The following EFR3A variants were observed in gnomAD, a reference collection of about 807,000 sequenced individuals.
EFR3A encodes the protein protein EFR3 homolog A.
EFR3A carries 76 observed loss-of-function variants against 104.4 expected under a neutral mutation model. That is an observed-to-expected ratio of 0.73 (90% CI 0.60 to 0.88). The LOEUF (loss-of-function observed/expected upper bound fraction) is 0.88. Among genes scored for constraint, EFR3A ranks in the 40% least tolerant of loss-of-function variants. The pLI is 0.00. For missense variants in EFR3A, 985 were observed against 1,012.5 expected, an observed-to-expected ratio of 0.97 and a Z score of 0.37; for synonymous variants, 330 against 330.0, an observed-to-expected ratio of 1.00 and a Z score of 0.00.
chr8:131,940,509 C>T lies in EFR3A; in HGVS notation c.21C>T (p.Cys7=). Residue 7 remains cysteine (C), a synonymous_variant, in exon 2 of 23, where the codon TGC becomes TGT. Coordinates refer to ENST00000254624, the MANE Select transcript of EFR3A (RefSeq NM_015137.6). ...TTTTTTTTTTAACAGGAGTATGCTG[C>T]TGCTGTTCCGCTTTGCGTCCTCGCT... MPTRVC[C]CCSALRPRYK... The T allele has an allele frequency of 6.2e-7, 1 of 1,600,718 alleles. No individual in the cohort carries two copies. Among genetic ancestry groups the T allele is most frequent in the South Asian group, 1.1e-5 (1 of 89,088 alleles).
At chr8:131,980,005 G>A (rs1030661978) in intron 14 of EFR3A, among the ~76,000 whole-genome samples, 1 of 152,084 alleles carries the variant, frequency 6.6e-6, no homozygotes, top group African/African-American at 2.4e-5. Flanking sequence ...TTTCTGTGCG[G>A]TTATTATTCG....
intron 11 of EFR3A, among the ~76,000 whole-genome samples, 156 bp downstream of exon 11, chr8:131,976,297 GC>G (rs1482798124): frequency 2.0e-5 from 3 of 152,068 alleles, no homozygotes; most frequent in African/African-American, 7.2e-5. Context: ...AGATTGCTAA[GC>G]AATTGAATTA....
intron 1 of EFR3A, among the ~76,000 whole-genome samples, chr8:131,924,721 G>T (rs958306996): frequency 5.9e-5 from 9 of 152,032 alleles, no homozygotes; most frequent in African/African-American, 2.2e-4. Context: ...GTCCTAATCA[G>T]TCCAACTCAG....
In EFR3A at chr8:131,953,812, T is replaced by TTA; in HGVS notation, c.489-3_489-2dup. 2 of 1,490,940 alleles carry TTA rather than the reference T, an allele frequency of 1.3e-6. No homozygotes were observed. The highest frequency in any genetic ancestry group is 1.8e-6 in the Non-Finnish European group (2 of 1,121,252). 92.4% of individuals were successfully genotyped at this position (1,490,940 alleles called of 1,614,324 possible). On this transcript the variant is annotated splice_polypyrimidine_tract_variant and splice_region_variant and intron_variant, in intron 5 of 22. Coordinates refer to ENST00000254624, the MANE Select transcript of EFR3A (RefSeq NM_015137.6). ...TCATTTTCTTCCTTTTTTTTTTTTT[T>TTA]TATAGGATACGAATTGCTGGAATTA...
intron 18 of EFR3A, 150 bp from the exon 19 acceptor site, chr8:131,996,256 C>T: frequency 2.1e-6 from 1 of 484,694 alleles, no homozygotes; most frequent in Admixed American, 4.1e-5. Context: ...AGTCCGAGAA[C>T]ACGCTGCTTT....
At chr8:131,913,002 A>G (rs1816582874) in intron 1 of EFR3A, among the ~76,000 whole-genome samples, 1 of 134,232 alleles carries the variant, frequency 7.4e-6, no homozygotes, top group Admixed American at 7.5e-5. Flanking sequence ...TTTTTTTTTG[A>G]AAGGAGGAGG....
intron 1 of EFR3A, among the ~76,000 whole-genome samples, chr8:131,912,278 A>G (rs548474910): frequency 6.7e-4 from 102 of 152,164 alleles, no homozygotes; most frequent in Non-Finnish European, 1.3e-3. Context: ...TGGCACATGG[A>G]AGGGGTGGGA....
At chr8:131,943,350 T>C (rs1438552531) in intron 2 of EFR3A, among the ~76,000 whole-genome samples, 1 of 152,048 alleles carries the variant, frequency 6.6e-6, no homozygotes. Flanking sequence ...TATATATAGA[T>C]TATTCTTCAA....
intron 2 of EFR3A, among the ~76,000 whole-genome samples, chr8:131,941,725 C>T (rs1818180324): frequency 6.6e-6 from 1 of 151,996 alleles, no homozygotes; most frequent in Non-Finnish European, 1.5e-5. Flanking sequence ...GGTTGGGAAC[C>T]TCCGGGAAGC....
intron 1 of EFR3A, among the ~76,000 whole-genome samples, chr8:131,931,685 A>G (rs1008819040): frequency 6.6e-6 from 1 of 152,102 alleles, no homozygotes; most frequent in African/African-American, 2.4e-5. Context: ...TGAGCTTTCT[A>G]TAAAAATTGT....
chr8:131,981,512 G>C (rs1345974803), intron 14 of EFR3A, among the ~76,000 whole-genome samples: 1 of 151,640 alleles, frequency 6.6e-6, no homozygotes, highest in Non-Finnish European at 1.5e-5. Context: ...TTTATAATTT[G>C]ACACCATTTT....
intron 1 of EFR3A, among the ~76,000 whole-genome samples, chr8:131,937,790 T>C (rs1196821700): frequency 6.6e-6 from 1 of 151,570 alleles, no homozygotes; most frequent in African/African-American, 2.4e-5. Context: ...TTTTTTTTTT[T>C]TTTTTCTTTC....
Position 131,904,267 on chromosome 8 carries a change from G to C in EFR3A, c.-46G>C. ...ATGGTGCCGTCGGCGCTCCCTGCGCGGCCCCGCTGAGCCTCGGTGCGGCGG... is the reference window on the plus strand; with the variant it reads ...ATGGTGCCGTCGGCGCTCCCTGCGCCGCCCCGCTGAGCCTCGGTGCGGCGG... On this transcript the variant is annotated 5_prime_UTR_variant, in exon 1 of 23. Coordinates refer to ENST00000254624, the MANE Select transcript of EFR3A (RefSeq NM_015137.6). The C allele has an allele frequency of 3.1e-6, 4 of 1,281,176 alleles. No individual in the cohort carries two copies. The highest frequency in any genetic ancestry group is 3.0e-6 in the Non-Finnish European group (3 of 1,012,114). 79.4% of individuals were successfully genotyped at this position (1,281,176 alleles called of 1,614,324 possible).
intron 8 of EFR3A, among the ~76,000 whole-genome samples, chr8:131,960,206 A>G (rs1397286271): frequency 2.0e-5 from 3 of 152,232 alleles, no homozygotes; most frequent in Non-Finnish European, 2.9e-5. Context: ...TGTGGATATC[A>G]GAAAGTCTTA....
chr8:132,007,427 T>A (rs1184525919), intron 22 of EFR3A, among the ~76,000 whole-genome samples: 1 of 151,894 alleles, frequency 6.6e-6, no homozygotes, highest in Non-Finnish European at 1.5e-5. Context: ...TAACAGTATG[T>A]AAGATTTCTG....
At position 132,003,220 on chromosome 8, in the gene EFR3A, T is replaced by G. The variant is rs763078827; in HGVS notation, c.2311-16T>G. On this transcript the variant is annotated splice_polypyrimidine_tract_variant and intron_variant, in intron 21 of 22. Coordinates refer to ENST00000254624, the MANE Select transcript of EFR3A (RefSeq NM_015137.6). ...TAGAAAATAAACCATTCTTAACATT[T>G]TTTTCTTTTTTGCAGGCAAATTTGC... is the stretch of plus-strand genomic sequence containing the variant. The G allele has an allele frequency of 1.1e-5, 18 of 1,607,210 alleles. No individual in the cohort carries two copies. Among genetic ancestry groups the G allele is most frequent in the Non-Finnish European group, 1.5e-5 (18 of 1,174,742 alleles).
chr8:131,951,576 A>G (rs76175138), intron 5 of EFR3A, among the ~76,000 whole-genome samples: 3,374 of 152,182 alleles, frequency 0.022, 60 homozygotes, highest in African/African-American at 0.045. Context: ...CAAAATATAG[A>G]AAATATCTGG....
intron 16 of EFR3A, among the ~76,000 whole-genome samples, chr8:131,985,855 G>A (rs1336435400): frequency 6.6e-6 from 1 of 152,134 alleles, no homozygotes; most frequent in East Asian, 1.9e-4. Context: ...GGTGGAGGAT[G>A]GTGATTTGTA....
chr8:131,998,639 ATTAT>A (rs1821624503), intron 19 of EFR3A, among the ~76,000 whole-genome samples: 1 of 152,052 alleles, frequency 6.6e-6, no homozygotes, highest in Non-Finnish European at 1.5e-5. Flanking sequence ...AAAGATGTAT[ATTAT>A]TATTTCTTCT....
Sources: allele counts gnomAD v4.1 joint callset (sites outside exome capture counted in the v4.1 genomes callset), GRCh38; gene constraint gnomAD v4.1.1; transcripts MANE v1.5; gene names NCBI Gene and HGNC (gene_info 2026-07-23, HGNC 2026-07-21).